Variants in GRIK1 observed in about 807,000 individuals in gnomAD.
GRIK1 encodes glutamate ionotropic receptor kainate type subunit 1, also known as glutamate receptor ionotropic, kainate 1.
In GRIK1, 69 loss-of-function variants were observed where a neutral mutation model predicts 105.7. The observed-to-expected ratio is 0.65, with a 90% CI of 0.54 to 0.80. The LOEUF (loss-of-function observed/expected upper bound fraction) is 0.80. GRIK1 is among the 30% of genes least tolerant of loss of function. GRIK1 has a pLI of 0.00. For missense variants in GRIK1, 1,109 were observed against 1,167.3 expected, an observed-to-expected ratio of 0.95 and a Z score of 0.73; for synonymous variants, 438 against 431.3, an observed-to-expected ratio of 1.02 and a Z score of -0.19.
chr21:29,686,869 T>C (rs556324009), intron 3 of GRIK1, among the ~76,000 whole-genome samples: 1 of 152,304 alleles, frequency 6.6e-6, no homozygotes, highest in African/African-American at 2.4e-5. Context: ...TTTTGCTGTA[T>C]GTGAAGTGAT....
chr21:29,674,706 T>C (rs2146652472), intron 3 of GRIK1, among the ~76,000 whole-genome samples: 1 of 152,294 alleles, frequency 6.6e-6, no homozygotes, highest in South Asian at 2.1e-4. Flanking sequence ...TCCTTCCTGT[T>C]TACCTTCTGC....
At position 29,597,863 on chromosome 21, in the gene GRIK1, G is replaced by A. The variant is rs142670060; in HGVS notation, c.1206+967C>T. Among the ~76,000 whole-genome samples, 25 of 152,204 alleles carry A rather than the reference G, an allele frequency of 1.6e-4. No individual in the cohort carries two copies. The East Asian group carries it at 4.8e-3, about 29-fold the overall frequency. Reference sequence around the variant, plus strand: ...TAGTTAGCACCTGCAAAAAAAATGTGTCCTGGTTAACAAAAGCAAGAAAAC... The same window carrying A: ...TAGTTAGCACCTGCAAAAAAAATGTATCCTGGTTAACAAAAGCAAGAAAAC... On this transcript the variant is annotated intron_variant, in intron 8 of 17. Coordinates refer to ENST00000327783, the MANE Select transcript of GRIK1 (RefSeq NM_001330994.2).
intron 7 of GRIK1, among the ~76,000 whole-genome samples, chr21:29,607,929 T>C (rs363450): frequency 0.048 from 7,329 of 152,244 alleles, 264 homozygotes; most frequent in Non-Finnish European, 0.072. Context: ...CTTTATAAGG[T>C]ATCAGTTGAC....
Position 29,598,933 on chromosome 21 carries a change from C to G in GRIK1, c.1103G>C (p.Arg368Pro), listed in dbSNP as rs368404991. 1 of 1,514,794 alleles carries G rather than the reference C, an allele frequency of 6.6e-7. No homozygotes were observed. Among genetic ancestry groups the G allele is most frequent in the East Asian group, 2.3e-5 (1 of 43,736 alleles). 93.8% of individuals were successfully genotyped at this position (1,514,794 alleles called of 1,614,324 possible). ...GATATGCCCAGTCAAGCCATCCCAC[C>G]GGGCCTGTGGACAAGAAGAAATGTG... ...PRFMNLIKEA[R>P]WDGLTGHITF... Residue 368 changes from arginine to proline, a missense_variant, in exon 8 of 18, where the codon CGG becomes CCG. Physicochemically the swap from Arg to Pro is moderately radical, Grantham distance 103. Transcript: ENST00000327783.
intron 6 of GRIK1, among the ~76,000 whole-genome samples, chr21:29,649,440 T>C (rs1032505746): frequency 2.0e-5 from 3 of 152,102 alleles, no homozygotes; most frequent in Non-Finnish European, 4.4e-5. Context: ...AACCCCTCTC[T>C]TAGTTGGGAT....
intron 7 of GRIK1, among the ~76,000 whole-genome samples, chr21:29,612,579 T>A (rs1276963136): frequency 6.6e-6 from 1 of 152,178 alleles, no homozygotes; most frequent in Non-Finnish European, 1.5e-5. Context: ...ACTCAAAATA[T>A]CTCCTTTTCT....
chr21:29,930,081 T>C (rs573572607), intron 1 of GRIK1, among the ~76,000 whole-genome samples: 1 of 152,356 alleles, frequency 6.6e-6, no homozygotes, highest in East Asian at 1.9e-4. Context: ...GTTGAACATT[T>C]AGATGATTCA....
chr21:29,567,454 G>A (rs964207007), intron 14 of GRIK1, among the ~76,000 whole-genome samples: 3 of 151,906 alleles, frequency 2.0e-5, no homozygotes, highest in African/African-American at 7.3e-5. Context: ...ACACTAATAT[G>A]GCTGATGATT....
At chr21:29,882,363 C>A (rs531414020) in intron 1 of GRIK1, among the ~76,000 whole-genome samples, 1 of 152,152 alleles carries the variant, frequency 6.6e-6, no homozygotes, top group Non-Finnish European at 1.5e-5. Flanking sequence ...TAATATAGAA[C>A]CTTCTATTGC....
In GRIK1 at chr21:29,537,890, A is replaced by T. The variant is rs559365882; in HGVS notation, c.2608-6T>A. The T allele has an allele frequency of 1.1e-4, 100 of 896,882 alleles. No individual in the cohort carries two copies. Among genetic ancestry groups the T allele is most frequent in the African/African-American group, 2.6e-4 (15 of 56,734 alleles). The allele number at this position is 896,882 out of a possible 1,614,324, so 55.6% of individuals were successfully genotyped here. On this transcript the variant is annotated splice_region_variant and splice_polypyrimidine_tract_variant and intron_variant, in intron 16 of 17. Transcript: ENST00000327783. ...ATTCTTGATGACTTTCCTTTCTGATAAAAAAAAAAGAAAAAAAAACAATTT... is the reference window on the plus strand; with the variant it reads ...ATTCTTGATGACTTTCCTTTCTGATTAAAAAAAAAGAAAAAAAAACAATTT...
Position 29,591,130 on chromosome 21 carries a change from G to C in GRIK1, c.1347C>G (p.Leu449=), listed in dbSNP as rs2146291141. The C allele has an allele frequency of 6.3e-7, 1 of 1,585,872 alleles. No individual in the cohort carries two copies. The highest frequency in any genetic ancestry group is 8.7e-7 in the Non-Finnish European group (1 of 1,154,058). The change falls in exon 10 of 18, where the codon CTC becomes CTG. Residue 449 remains leucine (L), a synonymous_variant. Coordinates refer to ENST00000327783, the MANE Select transcript of GRIK1 (RefSeq NM_001330994.2). Reference sequence around the variant, plus strand: ...AACTTACCAGAATGGTGGTGACAATGAGTGTTCTGTTGGCCAATGAATCAG... The same window carrying C: ...AACTTACCAGAATGGTGGTGACAATCAGTGTTCTGTTGGCCAATGAATCAG... ...NITDSLANRT[L]IVTTILEEPY... is the part of the protein sequence containing the mutation.
At chr21:29,745,160 G>A (rs2065019757) in intron 1 of GRIK1, among the ~76,000 whole-genome samples, 1 of 152,172 alleles carries the variant, frequency 6.6e-6, no homozygotes, top group African/African-American at 2.4e-5. Context: ...GATAAAACAA[G>A]AGAGTATGTT....
chr21:29,699,692 A>T (rs898259502), intron 1 of GRIK1, among the ~76,000 whole-genome samples: 5 of 150,564 alleles, frequency 3.3e-5, no homozygotes, highest in East Asian at 1.9e-4. Flanking sequence ...ACTGTCACCC[A>T]GGCTGGAGTG....
intron 7 of GRIK1, among the ~76,000 whole-genome samples, chr21:29,621,042 G>T (rs2061990391): frequency 6.6e-6 from 1 of 150,958 alleles, no homozygotes; most frequent in African/African-American, 2.4e-5. Context: ...ATTCTTTCTT[G>T]GCACTACATA....
At position 29,564,519 on chromosome 21, in the gene GRIK1, CA is replaced by C. The variant is rs527350271; in HGVS notation, c.2131-2671del. Reference sequence around the variant, plus strand: ...AACTGAATTTGTGGTTTATGGAAGTCAAAAACAAAGTCAATGTTTAGTTCAT... The same window carrying C: ...AACTGAATTTGTGGTTTATGGAAGTCAAAACAAAGTCAATGTTTAGTTCAT... On this transcript the variant is annotated intron_variant, in intron 14 of 17. Transcript: ENST00000327783. 1.1e-4 allele frequency among the ~76,000 whole-genome samples: 16 copies of C among 152,268 alleles called. No homozygotes were observed. In the South Asian group the frequency reaches 3.3e-3, roughly 32 times the overall value.
chr21:29,743,340 A>G (rs554315798), intron 1 of GRIK1, among the ~76,000 whole-genome samples: 1 of 152,176 alleles, frequency 6.6e-6, no homozygotes, highest in Non-Finnish European at 1.5e-5. Flanking sequence ...GTTACCATTT[A>G]TGCTTTGGAA....
At chr21:29,544,405 G>T (rs1465423938) in intron 16 of GRIK1, among the ~76,000 whole-genome samples, 1 of 152,150 alleles carries the variant, frequency 6.6e-6, no homozygotes, top group Non-Finnish European at 1.5e-5. Flanking sequence ...CTCCGCTAAC[G>T]TTAGGGATAA....
At chr21:29,555,947 C>T (rs575546714) in intron 15 of GRIK1, among the ~76,000 whole-genome samples, 3 of 152,272 alleles carry the variant, frequency 2.0e-5, no homozygotes, top group East Asian at 1.9e-4. Flanking sequence ...TACAGCTCAT[C>T]CAACTCTTAG....
chr21:29,843,647 C>T (rs2300327), intron 1 of GRIK1, among the ~76,000 whole-genome samples: 11,010 of 151,908 alleles, frequency 0.072, 425 homozygotes, highest in African/African-American at 0.11. Flanking sequence ...AAGCTTCAGC[C>T]GACACTGGGG....
Sources: gnomAD v4.1 joint callset for allele counts (sites outside exome capture counted in the v4.1 genomes callset) on GRCh38, gnomAD v4.1.1 for gene constraint, MANE v1.5 for transcripts, NCBI Gene and HGNC (gene_info 2026-07-23, HGNC 2026-07-21) for gene names.